Variants in CCNY observed in about 807,000 individuals in gnomAD.
CCNY encodes cyclin Y.
A neutral mutation model predicts 42.8 loss-of-function variants in CCNY; 19 were observed. The ratio of observed to expected loss-of-function variants is 0.44; its 90% confidence interval spans 0.31 to 0.65. The LOEUF (loss-of-function observed/expected upper bound fraction) is 0.65, where lower values mean the gene tolerates loss of function less well. CCNY is among the 30% of genes least tolerant of loss of function. CCNY has a pLI of 0.07. For missense variants in CCNY, 370 were observed against 437.3 expected, an observed-to-expected ratio of 0.85 and a Z score of 1.37; for synonymous variants, 165 against 162.7, an observed-to-expected ratio of 1.01 and a Z score of -0.11.
intron 1 of CCNY, among the ~76,000 whole-genome samples, chr10:35,360,453 A>G (rs906747557): frequency 2.0e-5 from 3 of 150,500 alleles, no homozygotes; most frequent in Non-Finnish European, 4.4e-5. Flanking sequence ...TGCCCAGCTG[A>G]TTTTTTTTTG....
At chr10:35,252,194 T>C (rs1210198446) in intron 3 of CCNY, among the ~76,000 whole-genome samples, 1 of 152,174 alleles carries the variant, frequency 6.6e-6, no homozygotes, top group African/African-American at 2.4e-5. Context: ...AACACATTAC[T>C]ACACTGCAGA....
intron 2 of CCNY, among the ~76,000 whole-genome samples, chr10:35,485,496 C>T (rs912589120): frequency 9.9e-5 from 15 of 152,250 alleles, no homozygotes; most frequent in Non-Finnish European, 1.6e-4. Flanking sequence ...GAGGCCAAGG[C>T]GGGTGGATCA....
chr10:35,552,352 C>T (rs1242228441), intron 7 of CCNY, among the ~76,000 whole-genome samples: 3 of 152,042 alleles, frequency 2.0e-5, no homozygotes, highest in African/African-American at 4.8e-5. Flanking sequence ...CCCGGAGCTG[C>T]GGAGAGGGAG....
chr10:35,552,627 C>T (rs1305751589), intron 7 of CCNY, among the ~76,000 whole-genome samples: 2 of 152,126 alleles, frequency 1.3e-5, no homozygotes, highest in African/African-American at 4.8e-5. Flanking sequence ...CTATAGTTAT[C>T]TCAAAACAAA....
intron 3 of CCNY, among the ~76,000 whole-genome samples, chr10:35,511,224 C>T (rs1393522492): frequency 6.6e-6 from 1 of 152,194 alleles, no homozygotes; most frequent in Non-Finnish European, 1.5e-5. Context: ...GCACTCTAGT[C>T]CCGGGATGGA....
chr10:35,275,994 T>C (rs916471514), intron 3 of CCNY, among the ~76,000 whole-genome samples: 2 of 152,224 alleles, frequency 1.3e-5, no homozygotes, highest in Non-Finnish European at 2.9e-5. Context: ...CACCTAGGCA[T>C]GGTTACCCAT....
intron 1 of CCNY, among the ~76,000 whole-genome samples, chr10:35,433,424 C>T (rs928853708): frequency 2.0e-5 from 3 of 151,976 alleles, no homozygotes; most frequent in African/African-American, 7.3e-5. Flanking sequence ...AAGAAGATTT[C>T]AGGGTAGTTA....
intron 1 of CCNY, among the ~76,000 whole-genome samples, chr10:35,357,019 T>G (rs1443651668): frequency 6.6e-6 from 1 of 152,210 alleles, no homozygotes. Flanking sequence ...TCCAACTTTG[T>G]CTGTCTCAGG....
chr10:35,327,964 G>A (rs1835898848), intron 3 of CCNY, among the ~76,000 whole-genome samples: 1 of 152,152 alleles, frequency 6.6e-6, no homozygotes, highest in Admixed American at 6.5e-5. Flanking sequence ...TACAGAGATT[G>A]CCCTGTGTTT....
chr10:35,415,811 C>A (rs1361449742), intron 1 of CCNY, among the ~76,000 whole-genome samples: 1 of 152,228 alleles, frequency 6.6e-6, no homozygotes, highest in Non-Finnish European at 1.5e-5. Context: ...TGTAGGCCAG[C>A]TCCCTCTTGC....
At chr10:35,256,003 A>AGCCATCCCTGTCCT (rs1298288307) in intron 3 of CCNY, among the ~76,000 whole-genome samples, 14 of 152,316 alleles carry the variant, frequency 9.2e-5, no homozygotes, top group Non-Finnish European at 7.4e-5. Context: ...GTCTAATATT[A>AGCCATCCCTGTCCT]GTATAGCCAT....
In CCNY at chr10:35,526,011, G is replaced by A. The variant is rs1195561634; in HGVS notation, c.401+12G>A. 1 of 1,606,682 alleles carries A rather than the reference G, an allele frequency of 6.2e-7. No individual in the cohort carries two copies. The highest frequency in any genetic ancestry group is 1.3e-5 in the African/African-American group (1 of 74,714). ...CACATCAAAAACAGGTATGTGGATGGTTGTGTGCTAAAAACATCATACGTT... is the reference window on the plus strand; with the variant it reads ...CACATCAAAAACAGGTATGTGGATGATTGTGTGCTAAAAACATCATACGTT... On this transcript the variant is annotated intron_variant, in intron 5 of 9. Transcript: ENST00000374704.
At position 35,383,465 on chromosome 10, in the gene CCNY, G is replaced by A. The variant is rs1286449052; in HGVS notation, c.154+46258G>A. Among the ~76,000 whole-genome samples the A allele has an allele frequency of 3.3e-5, 5 of 152,104 alleles. No individual in the cohort carries two copies. In the South Asian group the frequency reaches 6.2e-4, roughly 19 times the overall value. ...TGGGATTACAGGCATCCGCCACCAC[G>A]CTCAGCTAATTTTTGTATTTTCAGT... On this transcript the variant is annotated intron_variant, in intron 1 of 9. Transcript: ENST00000374704.
rs78533663 is a variant in CCNY, at chr10:35,485,740, C to CA, written c.229+2274dup. 1.4e-3 allele frequency among the ~76,000 whole-genome samples: 165 copies of CA among 114,588 alleles called. 1 individual carries two copies. Among genetic ancestry groups the CA allele is most frequent in the African/African-American group, 4.7e-3 (143 of 30,298 alleles). 75.2% of individuals were successfully genotyped at this position (114,588 alleles called of 152,430 possible). ...ACTCCGTCTCAAAAAAAAAAAAAAA[C>CA]AAAAAAAAAAAACACGTAGATTTGG... On this transcript the variant is annotated intron_variant, in intron 2 of 9. Coordinates refer to ENST00000374704, the MANE Select transcript of CCNY (RefSeq NM_145012.6).
chr10:35,415,814 C>T (rs915493212), intron 1 of CCNY, among the ~76,000 whole-genome samples: 3 of 152,190 alleles, frequency 2.0e-5, no homozygotes, highest in Admixed American at 6.5e-5. Context: ...AGGCCAGCTC[C>T]CTCTTGCTGT....
chr10:35,442,627 G>A (rs3013369), intron 1 of CCNY, among the ~76,000 whole-genome samples: 8,066 of 152,270 alleles, frequency 0.053, 310 homozygotes, highest in African/African-American at 0.11. Flanking sequence ...ACAGCATGAT[G>A]TATTTGGTGA....
chr10:35,419,532 C>CTTTTTTTTTTTTTTTTTTTTTTTTTTT (rs1838108826), intron 1 of CCNY, among the ~76,000 whole-genome samples: 1 of 110,560 alleles, frequency 9.0e-6, no homozygotes, highest in African/African-American at 4.7e-5. Flanking sequence ...TTAGACCGTT[C>CTTTTTTTTTTTTTTTTTTTTTTTTTTT]CTTTTTTTTT....
intron 1 of CCNY, among the ~76,000 whole-genome samples, chr10:35,392,331 G>A (rs964558775): frequency 6.6e-6 from 1 of 152,350 alleles, no homozygotes; most frequent in Non-Finnish European, 1.5e-5. Flanking sequence ...ACCAGAGGAA[G>A]GCACTGTTCT....
chr10:35,496,377 CTCT>C (rs773278077), intron 2 of CCNY, among the ~76,000 whole-genome samples: 10 of 152,370 alleles, frequency 6.6e-5, no homozygotes, highest in East Asian at 1.9e-4. Flanking sequence ...GCGGTCTCCT[CTCT>C]TCTTCTTCTG....
Sources: gnomAD v4.1 joint callset for allele counts (sites outside exome capture counted in the v4.1 genomes callset) on GRCh38, gnomAD v4.1.1 for gene constraint, MANE v1.5 for transcripts, NCBI Gene and HGNC (gene_info 2026-07-23, HGNC 2026-07-21) for gene names.